Variants in TENM3 observed in about 807,000 individuals in gnomAD.
TENM3 encodes teneurin-3.
A neutral mutation model predicts 255.1 loss-of-function variants in TENM3; 63 were observed. That is an observed-to-expected ratio of 0.25 (90% CI 0.20 to 0.30). TENM3 has a LOEUF of 0.30. TENM3 is among the 10% of genes least tolerant of loss of function. The probability of loss-of-function intolerance (pLI) is 1.00; values close to 1 mark genes in which losing one functional copy is unlikely to be tolerated. For synonymous variants in TENM3, 1,306 were observed against 1,322.3 expected, an observed-to-expected ratio of 0.99 and a Z score of 0.27; for missense variants, 2,929 against 3,461.1, an observed-to-expected ratio of 0.85 and a Z score of 3.86.
chr4:181,932,133 A>G, the TENM3 span, among the ~76,000 whole-genome samples: 101 of 152,356 alleles, frequency 6.6e-4, 3 homozygotes, highest in South Asian at 0.02. Flanking sequence ...CTAAAACACC[A>G]AAAGCAATGG....
chr4:181,883,915 G>T, the TENM3 span, among the ~76,000 whole-genome samples: 2 of 152,288 alleles, frequency 1.3e-5, no homozygotes, highest in African/African-American at 4.8e-5. Flanking sequence ...CTTTCTGGTT[G>T]CCGGAAGAAA....
intron 1 of TENM3, among the ~76,000 whole-genome samples, chr4:182,311,811 A>C (rs1762463556): frequency 6.6e-6 from 1 of 152,196 alleles, no homozygotes; most frequent in South Asian, 2.1e-4. Context: ...TCATTGAAGA[A>C]GCTCCCCCAG....
At chr4:182,486,317 G>GGT (rs1554074657) in intron 3 of TENM3, among the ~76,000 whole-genome samples, 1 of 148,256 alleles carries the variant, frequency 6.7e-6, no homozygotes, top group Non-Finnish European at 1.5e-5. Context: ...ATTGTGTGTG[G>GGT]GGGGGAGGGT....
chr4:182,696,875 C>G (rs1257605779), intron 12 of TENM3, among the ~76,000 whole-genome samples: 1 of 152,124 alleles, frequency 6.6e-6, no homozygotes, highest in African/African-American at 2.4e-5. Context: ...GAGGGCCTCC[C>G]AAATTATGTA....
intron 3 of TENM3, among the ~76,000 whole-genome samples, chr4:182,435,184 C>T (rs141550919): frequency 2.0e-5 from 3 of 152,248 alleles, no homozygotes; most frequent in East Asian, 3.9e-4. Context: ...TCCGGTTCCA[C>T]GGTTTTATGG....
chr4:182,595,660 A>G (rs1747138448), intron 3 of TENM3, among the ~76,000 whole-genome samples: 1 of 152,226 alleles, frequency 6.6e-6, no homozygotes, highest in Admixed American at 6.5e-5. Flanking sequence ...GAAAGAGTAA[A>G]TTTAATAAAG....
At chr4:181,983,567 C>A in the TENM3 span, among the ~76,000 whole-genome samples, 4 of 152,018 alleles carry the variant, frequency 2.6e-5, no homozygotes, top group Admixed American at 6.6e-5. Context: ...CTAAGTCTTA[C>A]AGTTTCTTAG....
At chr4:181,670,636 A>G in the TENM3 span, among the ~76,000 whole-genome samples, 2 of 152,218 alleles carry the variant, frequency 1.3e-5, no homozygotes, top group African/African-American at 4.8e-5. Context: ...ACTTGGTTGT[A>G]GGGCATTCAA....
At chr4:182,434,003 G>A (rs931220882) in intron 3 of TENM3, among the ~76,000 whole-genome samples, 3 of 152,022 alleles carry the variant, frequency 2.0e-5, no homozygotes, top group Admixed American at 2.0e-4. Flanking sequence ...AGTCCCTGCT[G>A]CTCGGGAGAC....
the TENM3 span, among the ~76,000 whole-genome samples, chr4:181,954,514 G>A: frequency 6.6e-6 from 1 of 152,006 alleles, no homozygotes; most frequent in East Asian, 1.9e-4. Context: ...GCATTTCTAT[G>A]GGCTAATAAT....
At chr4:182,571,537 C>T (rs745496183) in intron 3 of TENM3, among the ~76,000 whole-genome samples, 4 of 152,140 alleles carry the variant, frequency 2.6e-5, no homozygotes, top group Non-Finnish European at 4.4e-5. Flanking sequence ...CACATGCACA[C>T]CCTGCCCCCA....
chr4:182,724,194 C>T (rs2309706), intron 13 of TENM3, among the ~76,000 whole-genome samples: 152,103 of 152,364 alleles, frequency 1, 75,921 homozygotes, highest in Non-Finnish European at 1. Flanking sequence ...TGCTATTAGA[C>T]ATGGCTTCTA....
intron 1 of TENM3, among the ~76,000 whole-genome samples, chr4:182,322,262 G>A (rs145543552): frequency 3.3e-5 from 5 of 152,276 alleles, no homozygotes; most frequent in Non-Finnish European, 7.4e-5. Context: ...TATATTCCAA[G>A]ACTAAACTAA....
intron 5 of TENM3, among the ~76,000 whole-genome samples, chr4:182,645,142 A>G (rs1482565248): frequency 3.3e-5 from 5 of 151,606 alleles, no homozygotes; most frequent in Non-Finnish European, 7.4e-5. Flanking sequence ...TTCACTGCCC[A>G]GGCTAAAGTG....
chr4:182,646,036 T>G (rs1388599001), intron 5 of TENM3, among the ~76,000 whole-genome samples: 2 of 152,080 alleles, frequency 1.3e-5, no homozygotes, highest in Non-Finnish European at 2.9e-5. Flanking sequence ...GTCAAGGGGT[T>G]TCTGCTCACT....
intron 7 of TENM3, 102 bp downstream of exon 7, chr4:182,673,321 C>T (rs1755383660): frequency 2.6e-6 from 2 of 766,040 alleles, no homozygotes. Flanking sequence ...TGTTTGACGA[C>T]TTTTGAATCG....
intron 3 of TENM3, among the ~76,000 whole-genome samples, chr4:182,468,028 C>T (rs1362822590): frequency 6.6e-6 from 1 of 152,118 alleles, no homozygotes; most frequent in Non-Finnish European, 1.5e-5. Flanking sequence ...ATGATCTTAC[C>T]TATGAAACTT....
At chr4:182,413,814 C>A (rs1007801026) in intron 3 of TENM3, among the ~76,000 whole-genome samples, 16 of 152,140 alleles carry the variant, frequency 1.1e-4, no homozygotes, top group African/African-American at 7.2e-5. Context: ...AGTAAAATAT[C>A]TTTTATTTAA....
chr4:182,589,301 ACT>A (rs1309471032), intron 3 of TENM3, among the ~76,000 whole-genome samples: 1 of 151,950 alleles, frequency 6.6e-6, no homozygotes, highest in African/African-American at 2.4e-5. Flanking sequence ...GTTTAATGGT[ACT>A]CTCTATAATT....
Sources: allele counts gnomAD v4.1 joint callset (sites outside exome capture counted in the v4.1 genomes callset), GRCh38; gene constraint gnomAD v4.1.1; transcripts MANE v1.5; gene names NCBI Gene and HGNC (gene_info 2026-07-23, HGNC 2026-07-21).